CCSER1: variants seen among roughly 807,000 people sequenced by gnomAD.
CCSER1 encodes the protein coiled-coil serine rich protein 1, also known as serine-rich coiled-coil domain-containing protein 1.
Under a neutral mutation model 82.0 loss-of-function variants are expected in CCSER1, and 41 were observed. The observed-to-expected ratio is 0.50, with a 90% confidence interval of 0.39 to 0.65. CCSER1 has a LOEUF of 0.65. CCSER1 is among the 30% of genes least tolerant of loss of function. The pLI is 0.00. For missense variants in CCSER1, 1,119 were observed against 1,064.2 expected (o/e 1.05, Z -0.72); for synonymous variants, 414 against 383.9 (o/e 1.08, Z -0.92).
chr4:90,303,122 C>T (rs1191976917), intron 1 of CCSER1, among the ~76,000 whole-genome samples: 1 of 152,102 alleles, frequency 6.6e-6, no homozygotes, highest in Non-Finnish European at 1.5e-5. Context: ...CAATAATGTG[C>T]AGATATCTTT....
At chr4:90,489,522 T>A (rs570902393) in intron 5 of CCSER1, among the ~76,000 whole-genome samples, 16 of 152,284 alleles carry the variant, frequency 1.1e-4, no homozygotes, top group East Asian at 1.9e-4. Flanking sequence ...ATTCTTTTTT[T>A]AATTTTTATT....
intron 10 of CCSER1, chr4:91,319,108 C>G: frequency 7.2e-6 from 2 of 277,336 alleles, no homozygotes; most frequent in Non-Finnish European, 1.5e-5. Flanking sequence ...TTAAGACAGA[C>G]GGTATCAGCT....
At chr4:90,824,376 T>G (rs1319275144) in intron 8 of CCSER1, among the ~76,000 whole-genome samples, 3 of 152,004 alleles carry the variant, frequency 2.0e-5, no homozygotes, top group Non-Finnish European at 4.4e-5. Flanking sequence ...AATGATGATT[T>G]TTGAAAAAAA....
intron 10 of CCSER1, among the ~76,000 whole-genome samples, chr4:91,450,598 C>G (rs996172988): frequency 6.6e-6 from 1 of 151,974 alleles, no homozygotes; most frequent in Non-Finnish European, 1.5e-5. Context: ...GGCTGAAGTT[C>G]AGAGAGAAGG....
intron 10 of CCSER1, chr4:91,325,371 G>A (rs116294821): frequency 0.014 from 4,648 of 325,546 alleles, 64 homozygotes; most frequent in Non-Finnish European, 0.021. Flanking sequence ...TCATAAGTAT[G>A]CCATGTGTCA....
intron 10 of CCSER1, among the ~76,000 whole-genome samples, chr4:91,359,423 C>T (rs1384144358): frequency 6.6e-6 from 1 of 151,728 alleles, no homozygotes; most frequent in East Asian, 1.9e-4. Flanking sequence ...ATGAGAGGGT[C>T]TCTCTCTTAC....
intron 6 of CCSER1, among the ~76,000 whole-genome samples, chr4:90,663,000 A>G (rs1004581707): frequency 1.1e-4 from 16 of 152,190 alleles, no homozygotes; most frequent in African/African-American, 3.6e-4. Context: ...AAGTGAGATT[A>G]CCTAATTGCT....
intron 10 of CCSER1, among the ~76,000 whole-genome samples, chr4:91,543,454 C>T (rs554446273): frequency 6.6e-6 from 1 of 152,222 alleles, no homozygotes; most frequent in African/African-American, 2.4e-5. Flanking sequence ...TGTTCCTTTC[C>T]ATGTTTAGTG....
intron 10 of CCSER1, among the ~76,000 whole-genome samples, chr4:91,244,639 C>G (rs1739623067): frequency 6.6e-6 from 1 of 152,170 alleles, no homozygotes; most frequent in Admixed American, 6.5e-5. Context: ...ACCCAAGTCC[C>G]TTCAACTCCT....
intron 9 of CCSER1, among the ~76,000 whole-genome samples, chr4:90,959,960 C>A (rs927128489): frequency 6.6e-6 from 1 of 152,062 alleles, no homozygotes; most frequent in East Asian, 1.9e-4. Context: ...TTTAATTATG[C>A]CTTTTGCTTT....
intron 7 of CCSER1, among the ~76,000 whole-genome samples, chr4:90,788,416 G>T (rs937428401): frequency 1.8e-4 from 27 of 152,162 alleles, no homozygotes; most frequent in Admixed American, 1.6e-3. Context: ...CTAGAATTCT[G>T]AGATGAAGGT....
intron 3 of CCSER1, among the ~76,000 whole-genome samples, chr4:90,381,061 T>C (rs1749132525): frequency 6.6e-6 from 1 of 152,206 alleles, no homozygotes; most frequent in South Asian, 2.1e-4. Context: ...TCAATGAATG[T>C]AGCAAGAACA....
At chr4:91,302,654 A>C (rs1335519211) in intron 10 of CCSER1, among the ~76,000 whole-genome samples, 2 of 151,984 alleles carry the variant, frequency 1.3e-5, no homozygotes, top group Non-Finnish European at 2.9e-5. Context: ...AAAAGGCCTT[A>C]TTATTCTAGT....
At chr4:90,737,266 A>T (rs1745812100) in intron 7 of CCSER1, among the ~76,000 whole-genome samples, 1 of 152,146 alleles carries the variant, frequency 6.6e-6, no homozygotes, top group African/African-American at 2.4e-5. Context: ...CAGATTGAAG[A>T]ATTCTCTTTC....
At chr4:91,090,127 A>G (rs1316444401) in intron 10 of CCSER1, among the ~76,000 whole-genome samples, 1 of 152,160 alleles carries the variant, frequency 6.6e-6, no homozygotes, top group Non-Finnish European at 1.5e-5. Context: ...AGTATTGTAT[A>G]ATTCTTTCAG....
At chr4:91,009,471 C>G (rs1408151312) in intron 9 of CCSER1, among the ~76,000 whole-genome samples, 1 of 151,678 alleles carries the variant, frequency 6.6e-6, no homozygotes, top group African/African-American at 2.4e-5. Context: ...AGTCACCTTC[C>G]CAGGTAGGCT....
At chr4:90,803,000 A>G (rs911511342) in intron 7 of CCSER1, among the ~76,000 whole-genome samples, 34 of 151,872 alleles carry the variant, frequency 2.2e-4, no homozygotes, top group African/African-American at 7.7e-4. Context: ...TGTTTATAAG[A>G]ATAAGGAAAC....
intron 1 of CCSER1, among the ~76,000 whole-genome samples, chr4:90,289,197 T>C (rs1730460086): frequency 1.3e-5 from 2 of 151,894 alleles, no homozygotes; most frequent in Non-Finnish European, 2.9e-5. Context: ...CATTTGCATA[T>C]ATTTTTCTTA....
intron 1 of CCSER1, among the ~76,000 whole-genome samples, chr4:90,263,516 T>G (rs1019228990): frequency 3.9e-5 from 6 of 152,156 alleles, no homozygotes; most frequent in Non-Finnish European, 8.8e-5. Context: ...GTGGACAGAC[T>G]CAGGACCTCT....
Sources: allele counts gnomAD v4.1 joint callset (sites outside exome capture counted in the v4.1 genomes callset), GRCh38; gene constraint gnomAD v4.1.1; transcripts MANE v1.5; gene names NCBI Gene and HGNC (gene_info 2026-07-23, HGNC 2026-07-21).